YTHDC2: variants seen among roughly 807,000 people sequenced by gnomAD.
YTHDC2 encodes the protein YTH N6-methyladenosine RNA binding protein C2.
A neutral mutation model predicts 174.9 loss-of-function variants in YTHDC2; 45 were observed. The observed-to-expected ratio is 0.26, with a 90% CI of 0.20 to 0.33. The LOEUF (loss-of-function observed/expected upper bound fraction) is 0.33, where lower values mean the gene tolerates loss of function less well. Ranked by LOEUF, YTHDC2 falls within the 10% of genes least tolerant of loss-of-function variation. The pLI, the probability that YTHDC2 is intolerant of heterozygous loss-of-function variation, is 1.00. For synonymous variants in YTHDC2, 657 were observed against 574.5 expected (o/e 1.14, Z -2.05); for missense variants, 1,650 against 1,723.7 (o/e 0.96, Z 0.76).
At chr5:113,516,763 A>G (rs1580462200) in intron 2 of YTHDC2, among the ~76,000 whole-genome samples, 1 of 152,244 alleles carries the variant, frequency 6.6e-6, no homozygotes, top group Admixed American at 6.5e-5. Flanking sequence ...ACAAAACTTT[A>G]TTAAGTAAAT....
At chr5:113,528,884 G>A (rs1369148601) in intron 4 of YTHDC2, among the ~76,000 whole-genome samples, 3 of 152,130 alleles carry the variant, frequency 2.0e-5, no homozygotes, top group Non-Finnish European at 4.4e-5. Context: ...ATATATGCTC[G>A]TGGGTTTTTG....
chr5:113,529,629 C>G (rs1309080082), intron 4 of YTHDC2, among the ~76,000 whole-genome samples: 2 of 151,942 alleles, frequency 1.3e-5, no homozygotes, highest in Admixed American at 6.6e-5. Context: ...TCTTAGTTAT[C>G]TTTTATTTGC....
intron 8 of YTHDC2, among the ~76,000 whole-genome samples, chr5:113,540,265 T>C (rs750646055): frequency 1.1e-4 from 16 of 152,244 alleles, no homozygotes; most frequent in Non-Finnish European, 2.1e-4. Context: ...AATGGTTTTC[T>C]ACAAAGTGCT....
chr5:113,545,236 T>C (rs1191606579), intron 10 of YTHDC2, among the ~76,000 whole-genome samples: 1 of 152,210 alleles, frequency 6.6e-6, no homozygotes, highest in Non-Finnish European at 1.5e-5. Context: ...CAAGCAGTTA[T>C]AATCCTACAC....
At chr5:113,525,488 G>C (rs954926977) in intron 3 of YTHDC2, among the ~76,000 whole-genome samples, 2 of 151,958 alleles carry the variant, frequency 1.3e-5, no homozygotes, top group Non-Finnish European at 2.9e-5. Context: ...TGCAAGGTAA[G>C]AATTTCCCCT....
chr5:113,549,668 C>T (rs929298638), intron 12 of YTHDC2, among the ~76,000 whole-genome samples: 4 of 152,004 alleles, frequency 2.6e-5, no homozygotes, highest in Non-Finnish European at 4.4e-5. Flanking sequence ...CCAAATTTGC[C>T]GTATCTGATA....
chr5:113,556,987 G>A (rs1008628617), intron 17 of YTHDC2, among the ~76,000 whole-genome samples: 42 of 152,108 alleles, frequency 2.8e-4, no homozygotes, highest in Middle Eastern at 3.4e-3. Flanking sequence ...TTCTTATATG[G>A]AATGAGTTTT....
In YTHDC2 at chr5:113,564,170, G is replaced by A. The variant is rs773063196; in HGVS notation, c.2715+39G>A. ...CATTTTATTTCTGAAGACGTTGCTG[G>A]GTAAACACGTTTCTGGGGCAAATGT... is the stretch of plus-strand genomic sequence containing the variant. On this transcript the variant is annotated intron_variant, in intron 20 of 29. Coordinates refer to ENST00000161863, the MANE Select transcript of YTHDC2 (RefSeq NM_022828.5). 5 of 1,519,390 alleles carry A rather than the reference G, an allele frequency of 3.3e-6. No homozygotes were observed. The South Asian group carries it at 5.4e-5, about 16-fold the overall frequency. 94.1% of individuals were successfully genotyped at this position (1,519,390 alleles called of 1,614,324 possible).
intron 23 of YTHDC2, among the ~76,000 whole-genome samples, chr5:113,575,464 G>C (rs2112769816): frequency 6.6e-6 from 1 of 152,296 alleles, no homozygotes; most frequent in East Asian, 1.9e-4. Context: ...AGAAAGCCTA[G>C]ACACGTTTTT....
intron 22 of YTHDC2, 107 bp downstream of exon 22, chr5:113,567,404 T>TTA (rs368320106): frequency 0.14 from 41,289 of 285,126 alleles, 2,333 homozygotes; most frequent in African/African-American, 0.23. Context: ...AATTAATTAG[T>TTA]TATATATATA....
intron 3 of YTHDC2, among the ~76,000 whole-genome samples, chr5:113,525,833 T>C (rs894066658): frequency 2.0e-5 from 3 of 152,174 alleles, no homozygotes; most frequent in African/African-American, 7.2e-5. Flanking sequence ...ATAGTTATTA[T>C]TGTCTATTGG....
intron 2 of YTHDC2, among the ~76,000 whole-genome samples, chr5:113,520,893 C>A (rs1019422037): frequency 6.6e-6 from 1 of 152,118 alleles, no homozygotes; most frequent in African/African-American, 2.4e-5. Flanking sequence ...CATTATTTTT[C>A]TTAATCCTCT....
rs777250701 is a variant in YTHDC2 at position 113,532,963 on chromosome 5, A to G, written c.760A>G (p.Ile254Val). The change falls in exon 5 of 30, where the codon ATC (isoleucine) becomes GTC (valine). Residue 254 changes from isoleucine to valine, a missense_variant. Ile to Val is a conservative substitution (Grantham distance 29). This residue lies in a region of YTHDC2 where 304 missense variants were observed against 341.4 expected (regional missense o/e 0.89). Coordinates refer to ENST00000161863, the MANE Select transcript of YTHDC2 (RefSeq NM_022828.5). ...FCTQPRRLAA[I>V]AVAERVAAER... ...TACTCAACCAAGACGATTGGCAGCT[A>G]TCGCTGTGGCTGAAAGAGTTGCCGC... 1.2e-6 allele frequency: 2 copies of G among 1,614,204 alleles called. No homozygotes were observed. The highest frequency in any genetic ancestry group is 1.7e-6 in the Non-Finnish European group (2 of 1,180,026).
intron 26 of YTHDC2, among the ~76,000 whole-genome samples, chr5:113,587,808 T>G (rs1778777043): frequency 6.6e-6 from 1 of 151,526 alleles, no homozygotes; most frequent in Non-Finnish European, 1.5e-5. Context: ...AATTTTTTGG[T>G]ATTTTGAGTG....
In YTHDC2 at chr5:113,514,054, G is replaced by A; in HGVS notation, c.159G>A (p.Leu53=). Residue 53 remains leucine, a synonymous_variant, in exon 1 of 30, where the codon CTG becomes CTA. Transcript: ENST00000161863. Reference sequence around the variant, plus strand: ...TGAAGATCGCAGTCAATATCGCGCTGGAGCGCTTCCGATACGGGGACCAGA... The same window carrying A: ...TGAAGATCGCAGTCAATATCGCGCTAGAGCGCTTCCGATACGGGGACCAGA... ...EEVKIAVNIA[L]ERFRYGDQRE... is the part of the protein sequence containing the mutation. 8.1e-6 allele frequency: 13 copies of A among 1,612,324 alleles called. No homozygotes were observed. Among genetic ancestry groups the A allele is most frequent in the Non-Finnish European group, 1.0e-5 (12 of 1,179,320 alleles).
At chr5:113,521,972 A>G (rs1406850282) in intron 2 of YTHDC2, among the ~76,000 whole-genome samples, 2 of 152,036 alleles carry the variant, frequency 1.3e-5, no homozygotes, top group Non-Finnish European at 2.9e-5. Context: ...AGTACAAATT[A>G]GTATGATGCA....
Position 113,567,109 on chromosome 5 carries a change from G to A in YTHDC2, c.2860G>A (p.Gly954Ser). ...CCCTCTAGGTTTTGTTAGAGCACGA[G>A]GTGGTGGTGACATTCGGGACGTTAA... ...LRASGFVRAR[G>S]GGDIRDVNTN... The change falls in exon 22 of 30, where the codon GGT becomes AGT. Residue 954 changes from glycine (G) to serine (S), a missense_variant. Physicochemically the swap from Gly to Ser is moderately conservative, Grantham distance 56 (BLOSUM62 0). Around this residue, in one of 5 missense-constraint regions of YTHDC2, gnomAD observed 913 missense variants for 940.4 expected, o/e 0.97. Coordinates refer to ENST00000161863, the MANE Select transcript of YTHDC2 (RefSeq NM_022828.5). 6.2e-7 allele frequency: 1 copy of A among 1,613,602 alleles called. No homozygotes were observed. Among genetic ancestry groups the A allele is most frequent in the South Asian group, 1.1e-5 (1 of 91,006 alleles).
At chr5:113,579,874 G>C in intron 24 of YTHDC2, 179 bp downstream of exon 24, 1 of 985,356 alleles carries the variant, frequency 1.0e-6, no homozygotes, top group Non-Finnish European at 1.2e-6. Flanking sequence ...TATTCCAACA[G>C]AGGACTTGGA....
intron 8 of YTHDC2, among the ~76,000 whole-genome samples, chr5:113,540,565 A>G (rs890136915): frequency 2.0e-5 from 3 of 152,166 alleles, no homozygotes; most frequent in Non-Finnish European, 4.4e-5. Context: ...CATGGCAGCA[A>G]GAGAGAGAAG....
Sources: allele counts gnomAD v4.1 joint callset (sites outside exome capture counted in the v4.1 genomes callset), GRCh38; gene constraint gnomAD v4.1.1; regional missense constraint gnomAD v4.1.1; transcripts MANE v1.5; gene names NCBI Gene and HGNC (gene_info 2026-07-23, HGNC 2026-07-21).